The following KAT2B variants were observed in gnomAD, a reference collection of about 807,000 sequenced individuals.
KAT2B encodes the protein lysine acetyltransferase 2B.
KAT2B carries 36 observed loss-of-function variants against 105.9 expected under a neutral mutation model. That is an observed-to-expected ratio of 0.34 (90% confidence interval 0.26 to 0.45). KAT2B has a LOEUF of 0.45. Among genes scored for constraint, KAT2B ranks in the 20% least tolerant of loss-of-function variants. KAT2B has a pLI of 1.00. For missense variants in KAT2B, 820 were observed against 1,021.6 expected (o/e 0.80, Z 2.69); for synonymous variants, 397 against 377.9 (o/e 1.05, Z -0.59).
In KAT2B at chr3:20,124,070, G is replaced by A. The variant is rs892807648; in HGVS notation, c.1413+1266G>A. Among the ~76,000 whole-genome samples the A allele has an allele frequency of 2.0e-5, 3 of 152,064 alleles. No individual in the cohort carries two copies. In the South Asian group the frequency reaches 6.2e-4, roughly 32 times the overall value. On this transcript the variant is annotated intron_variant, in intron 9 of 17. Transcript: ENST00000263754. ...GGATACTTCAGAGAACCAGAATGTT[G>A]TAATAGAAAAATCTCTTCCTAAAAT...
intron 13 of KAT2B, among the ~76,000 whole-genome samples, chr3:20,143,884 A>T (rs1699736731): frequency 6.6e-6 from 1 of 152,180 alleles, no homozygotes; most frequent in Non-Finnish European, 1.5e-5. Flanking sequence ...TTTCCAAAAG[A>T]GGCAAGAGAG....
At chr3:20,048,286 C>T (rs960992840) in intron 1 of KAT2B, among the ~76,000 whole-genome samples, 2 of 152,130 alleles carry the variant, frequency 1.3e-5, no homozygotes, top group African/African-American at 4.8e-5. Context: ...GCCTGCAAAG[C>T]CTTCAGATTG....
intron 2 of KAT2B, among the ~76,000 whole-genome samples, chr3:20,090,467 A>G (rs1472365744): frequency 6.6e-6 from 1 of 151,934 alleles, no homozygotes; most frequent in Non-Finnish European, 1.5e-5. Context: ...TTACCATATG[A>G]TTTTTCTCCT....
At position 20,119,674 on chromosome 3, in the gene KAT2B, G is replaced by T; in HGVS notation, c.1227G>T (p.Gly409=). 6.2e-7 allele frequency: 1 copy of T among 1,614,050 alleles called. No individual in the cohort carries two copies. The highest frequency in any genetic ancestry group is 8.5e-7 in the Non-Finnish European group (1 of 1,179,950). The stretch of plus-strand genomic sequence containing the variant: ...CTTCCCTTGAGCAGCCAAACGCAGG[G>T]AGCAGCAGTCCTGCCTGCAAAGCCT... The part of the protein sequence containing the change: ...TSSSLEQPNA[G]SSSPACKASS... Residue 409 remains glycine, a synonymous_variant, in exon 8 of 18, where the codon GGG becomes GGT. Transcript: ENST00000263754.
In KAT2B at chr3:20,040,788, C is replaced by A; in HGVS notation, c.303+8C>A. The A allele has an allele frequency of 6.3e-7, 1 of 1,583,870 alleles. No homozygotes were observed. Among genetic ancestry groups the A allele is most frequent in the Non-Finnish European group, 8.6e-7 (1 of 1,169,496 alleles). ...GTGTACTCCGCCTGCAAGGTACGCG[C>A]TCGCCGCTCTCGGACCGCGGATGGG... On this transcript the variant is annotated splice_region_variant and intron_variant, in intron 1 of 17. Transcript: ENST00000263754.
chr3:20,074,643 G>A lies in KAT2B; in HGVS notation c.430+2184G>A, dbSNP rs1698386543. Reference sequence around the variant, plus strand: ...TTAAATAAGAAAACAATGCATATAAGAAGGGTACTAGTAGCTTCTAGAAGC... The same window carrying A: ...TTAAATAAGAAAACAATGCATATAAAAAGGGTACTAGTAGCTTCTAGAAGC... On this transcript the variant is annotated intron_variant, in intron 2 of 17. Transcript: ENST00000263754. Among the ~76,000 whole-genome samples the A allele has an allele frequency of 2.6e-5, 4 of 152,170 alleles. No individual in the cohort carries two copies. In the South Asian group the frequency reaches 8.3e-4, roughly 32 times the overall value.
At chr3:20,072,060 C>T (rs545160086) in intron 1 of KAT2B, among the ~76,000 whole-genome samples, 2 of 152,300 alleles carry the variant, frequency 1.3e-5, no homozygotes, top group Non-Finnish European at 2.9e-5. Flanking sequence ...TGGACACCCA[C>T]TGGGGGCAAT....
At chr3:20,095,537 A>T (rs1698793873) in intron 3 of KAT2B, 129 bp downstream of exon 3, 1 of 595,530 alleles carries the variant, frequency 1.7e-6, no homozygotes, top group East Asian at 2.8e-5. Flanking sequence ...GCTGAACAAT[A>T]CGTTTCTTCA....
chr3:20,090,825 T>G lies in KAT2B; in HGVS notation c.431-4438T>G, dbSNP rs547341317. 2.0e-4 allele frequency among the ~76,000 whole-genome samples: 30 copies of G among 152,184 alleles called. 1 individual carries two copies. The South Asian group carries it at 2.9e-3, about 15-fold the overall frequency. ...GCATGGGTCACTGCAACCTCAATCT[T>G]GTGGGGTGGGTTCAAGCAATCCTCC... On this transcript the variant is annotated intron_variant, in intron 2 of 17. Coordinates refer to ENST00000263754, the MANE Select transcript of KAT2B (RefSeq NM_003884.5).
rs184721436 is a variant in KAT2B, at chr3:20,054,878, C to T, written c.303+14098C>T. ...TCGAAAGGAACACATCTGTGAGCAC[C>T]GGTTAGGGGCCTGTGGCCACTTCTC... On this transcript the variant is annotated intron_variant, in intron 1 of 17. Transcript: ENST00000263754. Among the ~76,000 whole-genome samples, 8 of 152,300 alleles carry T rather than the reference C, an allele frequency of 5.3e-5. No individual in the cohort carries two copies. In the South Asian group the frequency reaches 8.3e-4, roughly 16 times the overall value.
chr3:20,077,558 A>G (rs1698440957), intron 2 of KAT2B, among the ~76,000 whole-genome samples: 1 of 152,262 alleles, frequency 6.6e-6, no homozygotes, highest in Admixed American at 6.5e-5. Context: ...AAGACATCAT[A>G]AGCAAAAACA....
intron 1 of KAT2B, among the ~76,000 whole-genome samples, chr3:20,057,341 C>T (rs1227891351): frequency 6.6e-6 from 1 of 152,084 alleles, no homozygotes; most frequent in Non-Finnish European, 1.5e-5. Context: ...ACAGGTTGGG[C>T]TGGTTATGTG....
intron 1 of KAT2B, among the ~76,000 whole-genome samples, chr3:20,061,142 C>A (rs1698093081): frequency 6.6e-6 from 1 of 152,202 alleles, no homozygotes; most frequent in Non-Finnish European, 1.5e-5. Context: ...GTAACTCCCT[C>A]TTCCTTCCTC....
intron 5 of KAT2B, among the ~76,000 whole-genome samples, chr3:20,104,414 G>A (rs1402553702): frequency 1.3e-5 from 2 of 152,098 alleles, no homozygotes; most frequent in African/African-American, 4.8e-5. Context: ...AAGTAGAGAG[G>A]AACAACCTGT....
chr3:20,135,429 C>A (rs1699583737), intron 11 of KAT2B, among the ~76,000 whole-genome samples: 1 of 152,090 alleles, frequency 6.6e-6, no homozygotes, highest in South Asian at 2.1e-4. Flanking sequence ...CCGAGACGGG[C>A]AGATCACAAG....
At chr3:20,132,086 C>T (rs779317047) in intron 11 of KAT2B, among the ~76,000 whole-genome samples, 9 of 152,046 alleles carry the variant, frequency 5.9e-5, no homozygotes, top group Non-Finnish European at 7.4e-5. Context: ...AATCTAAAAA[C>T]AATTTGGGCC....
chr3:20,128,393 G>C (rs1699448315), intron 11 of KAT2B, among the ~76,000 whole-genome samples: 1 of 152,174 alleles, frequency 6.6e-6, no homozygotes, highest in South Asian at 2.1e-4. Flanking sequence ...TTTAAGGGAA[G>C]TCATGAAATT....
At chr3:20,054,717 C>G (rs1697976112) in intron 1 of KAT2B, among the ~76,000 whole-genome samples, 1 of 152,232 alleles carries the variant, frequency 6.6e-6, no homozygotes, top group Non-Finnish European at 1.5e-5. Flanking sequence ...CAATTTGCAT[C>G]AGCTCTGACA....
Position 20,040,582 on chromosome 3 carries a change from GC to G in KAT2B, c.110del (p.Pro37ArgfsTer41). 8.6e-7 allele frequency: 1 copy of G among 1,166,392 alleles called. No individual in the cohort carries two copies. The highest frequency in any genetic ancestry group is 1.1e-6 in the Non-Finnish European group (1 of 945,966). The allele number at this position is 1,166,392 out of a possible 1,614,324, so 72.3% of individuals were successfully genotyped here. A position where few individuals can be genotyped will look rare whatever the true frequency, so the allele number is the denominator to read the frequency against. The stretch of plus-strand genomic sequence containing the variant: ...CGCAGCCTGCGGCGCTTCCGCCCGC[GC>G]CCCCGCAGGGCTCCCCCTGCGCCGC... Reference protein sequence around the residue: ...PPQPAALPPAPPQGSPCAAAA... With the variant: ...PPQPAALPPAXPQGSPCAAAA... On this transcript the variant is annotated frameshift_variant, in exon 1 of 18. Coordinates refer to ENST00000263754, the MANE Select transcript of KAT2B (RefSeq NM_003884.5). LOFTEE classifies it high-confidence loss of function.
Sources: allele counts gnomAD v4.1 joint callset (sites outside exome capture counted in the v4.1 genomes callset), GRCh38; gene constraint gnomAD v4.1.1; transcripts MANE v1.5; gene names NCBI Gene and HGNC (gene_info 2026-07-23, HGNC 2026-07-21).